Variants in NEO1 observed in about 807,000 individuals in gnomAD.
NEO1 encodes neogenin.
In NEO1, 63 loss-of-function variants were observed where a neutral mutation model predicts 159.7. The ratio of observed to expected loss-of-function variants is 0.39; its 90% CI spans 0.32 to 0.49. The LOEUF is 0.49. Ranked by LOEUF, NEO1 falls within the 20% of genes least tolerant of loss-of-function variation. The probability of loss-of-function intolerance (pLI) is 0.85; values close to 1 mark genes in which losing one functional copy is unlikely to be tolerated. For synonymous variants in NEO1, 633 were observed against 662.0 expected, an observed-to-expected ratio of 0.96 and a Z score of 0.67; for missense variants, 1,615 against 1,831.0, an observed-to-expected ratio of 0.88 and a Z score of 2.15.
chr15:73,203,156 A>G (rs2037001559), intron 7 of NEO1, among the ~76,000 whole-genome samples: 1 of 152,104 alleles, frequency 6.6e-6, no homozygotes, highest in Admixed American at 6.5e-5. Context: ...TGATAATTCT[A>G]TTGTTACTTT....
At chr15:73,273,748 T>G in intron 19 of NEO1, 63 bp from the exon 20 acceptor site, 1 of 1,274,044 alleles carries the variant, frequency 7.8e-7, no homozygotes, top group Non-Finnish European at 1.1e-6. Flanking sequence ...TACTTATTGA[T>G]TTACTGAAGG....
chr15:73,125,657 T>A (rs2030102696), intron 3 of NEO1, among the ~76,000 whole-genome samples: 1 of 152,240 alleles, frequency 6.6e-6, no homozygotes, highest in Non-Finnish European at 1.5e-5. Flanking sequence ...GAGAGAACTC[T>A]GTCTTCTGCC....
At chr15:73,055,692 C>T (rs939437856) in intron 1 of NEO1, among the ~76,000 whole-genome samples, 6 of 152,100 alleles carry the variant, frequency 3.9e-5, no homozygotes, top group Non-Finnish European at 8.8e-5. Context: ...GTGTCATTTT[C>T]CCTCGTGCTT....
chr15:73,065,449 A>G (rs1410421141), intron 1 of NEO1, among the ~76,000 whole-genome samples: 1 of 152,014 alleles, frequency 6.6e-6, no homozygotes, highest in Non-Finnish European at 1.5e-5. Flanking sequence ...CTTCATTTTT[A>G]GATTTTTGTG....
intron 1 of NEO1, among the ~76,000 whole-genome samples, chr15:73,111,808 G>GT (rs1184163040): frequency 2.0e-5 from 3 of 151,818 alleles, no homozygotes; most frequent in African/African-American, 4.8e-5. Flanking sequence ...GTTTTGTTTT[G>GT]TTTTTTGGTA....
At chr15:73,091,667 G>T (rs2069699649) in intron 1 of NEO1, among the ~76,000 whole-genome samples, 2 of 151,646 alleles carry the variant, frequency 1.3e-5, no homozygotes, top group African/African-American at 2.4e-5. Flanking sequence ...GGGCTCAGGT[G>T]ATCTTCCCAC....
chr15:73,128,342 A>G (rs1197180449), intron 4 of NEO1, among the ~76,000 whole-genome samples: 1 of 152,166 alleles, frequency 6.6e-6, no homozygotes, highest in African/African-American at 2.4e-5. Context: ...AAGTTAGAAC[A>G]AAATCTTTAT....
At chr15:73,089,054 T>G (rs1279553915) in intron 1 of NEO1, among the ~76,000 whole-genome samples, 2 of 152,120 alleles carry the variant, frequency 1.3e-5, no homozygotes, top group African/African-American at 4.8e-5. Flanking sequence ...AGGAAACAAA[T>G]ACAGACAAAA....
intron 7 of NEO1, among the ~76,000 whole-genome samples, chr15:73,196,274 G>T (rs114740367): frequency 6.6e-6 from 1 of 152,144 alleles, no homozygotes; most frequent in African/African-American, 2.4e-5. Flanking sequence ...TCTCTTGCAC[G>T]CAAGAATGGG....
chr15:73,110,124 G>A (rs947128829), intron 1 of NEO1, among the ~76,000 whole-genome samples: 6 of 152,134 alleles, frequency 3.9e-5, no homozygotes, highest in Admixed American at 1.3e-4. Context: ...AGTCTGAACC[G>A]CATAGTGATA....
chr15:73,226,788 A>G (rs972456551), intron 7 of NEO1, among the ~76,000 whole-genome samples: 7 of 152,236 alleles, frequency 4.6e-5, no homozygotes, highest in African/African-American at 1.7e-4. Flanking sequence ...GAGAAAGAAT[A>G]TTTCCCATGA....
Position 73,128,077 on chromosome 15 carries a change from C to T in NEO1, c.878+1507C>T, listed in dbSNP as rs1406862500. Among the ~76,000 whole-genome samples the T allele has an allele frequency of 3.3e-5, 5 of 152,154 alleles. No individual in the cohort carries two copies. In the South Asian group the frequency reaches 6.2e-4, roughly 19 times the overall value. ...TGGAATACAATCAGATTGTTCCCCA[C>T]GTGCTCCATTAGCAAAACATGGCAT... On this transcript the variant is annotated intron_variant, in intron 4 of 28. Transcript: ENST00000261908.
At chr15:73,056,650 A>ATG (rs1339199891) in intron 1 of NEO1, among the ~76,000 whole-genome samples, 1 of 152,066 alleles carries the variant, frequency 6.6e-6, no homozygotes, top group Non-Finnish European at 1.5e-5. Context: ...TCCTGTGTGC[A>ATG]TGTGTGTGTG....
At chr15:73,071,651 T>G (rs973489295) in intron 1 of NEO1, among the ~76,000 whole-genome samples, 13 of 152,108 alleles carry the variant, frequency 8.5e-5, no homozygotes, top group Non-Finnish European at 1.2e-4. Context: ...TCTCAGCCTC[T>G]CAATGGCTGG....
rs141773056 is a variant in NEO1 at position 73,124,029 on chromosome 15, CGT to C, written c.724+1241_724+1242del. ...GTATCTTTTAAAGTGTGCGTTTGTG[CGT>C]GTGTGTGTGTGAGCGCCTGTGCACG... is the stretch of plus-strand genomic sequence containing the variant. On this transcript the variant is annotated intron_variant, in intron 3 of 28. Transcript: ENST00000261908. Among the ~76,000 whole-genome samples, 31 of 151,570 alleles carry C rather than the reference CGT, an allele frequency of 2.0e-4. No individual in the cohort carries two copies. The South Asian group carries it at 5.7e-3, about 28-fold the overall frequency.
intron 24 of NEO1, 139 bp downstream of exon 24, chr15:73,288,690 TG>T (rs943091450): frequency 1.4e-6 from 1 of 709,738 alleles, no homozygotes; most frequent in African/African-American, 1.8e-5. Flanking sequence ...TGATAAGATT[TG>T]GGAACATATG....
At chr15:73,180,042 G>A (rs753498144) in intron 7 of NEO1, among the ~76,000 whole-genome samples, 5 of 152,040 alleles carry the variant, frequency 3.3e-5, no homozygotes, top group Non-Finnish European at 7.4e-5. Context: ...AAATTGATAA[G>A]GGTACCTGTT....
chr15:73,209,135 A>G (rs1304002710), intron 7 of NEO1, among the ~76,000 whole-genome samples: 4 of 152,190 alleles, frequency 2.6e-5, no homozygotes, highest in African/African-American at 9.7e-5. Context: ...GGAAAAAGTT[A>G]TGAATTGTAT....
chr15:73,197,585 G>T (rs537491555), intron 7 of NEO1, among the ~76,000 whole-genome samples: 3 of 151,818 alleles, frequency 2.0e-5, no homozygotes, highest in Non-Finnish European at 2.9e-5. Context: ...AGAAAACATG[G>T]TATTTGTTTT....
Sources: allele counts gnomAD v4.1 joint callset (sites outside exome capture counted in the v4.1 genomes callset), GRCh38; gene constraint gnomAD v4.1.1; transcripts MANE v1.5; gene names NCBI Gene and HGNC (gene_info 2026-07-23, HGNC 2026-07-21).